PARP4: variants seen among roughly 807,000 people sequenced by gnomAD.
The protein encoded by PARP4 is protein mono-ADP-ribosyltransferase PARP4.
Under a neutral mutation model 187.7 loss-of-function variants are expected in PARP4, and 120 were observed. The ratio of observed to expected loss-of-function variants is 0.64; its 90% CI spans 0.55 to 0.74. PARP4 has a LOEUF of 0.74. PARP4 is among the 30% of genes least tolerant of loss of function. The pLI is 0.00. For missense variants in PARP4, 1,836 were observed against 2,070.5 expected, an observed-to-expected ratio of 0.89 and a Z score of 2.20; for synonymous variants, 654 against 740.9, an observed-to-expected ratio of 0.88 and a Z score of 1.90.
chr13:24,504,307 C>CTTTT lies in PARP4; in HGVS notation c.-1-534_-1-531dup, dbSNP rs11434017. Among the ~76,000 whole-genome samples, 321 of 87,310 alleles carry CTTTT rather than the reference C, an allele frequency of 3.7e-3. 10 individuals are homozygous for CTTTT. The highest frequency in any genetic ancestry group is 6.5e-3 in the African/African-American group (137 of 20,972). The allele number at this position is 87,310 out of a possible 152,430, so 57.3% of individuals were successfully genotyped here. ...CACATATATATTCTGCATTTAGGTTCTTTTTTTTTTTTTTTTTTTTTTTGG... is the reference window on the plus strand; with the variant it reads ...CACATATATATTCTGCATTTAGGTTCTTTTTTTTTTTTTTTTTTTTTTTTTTTGG... On this transcript the variant is annotated intron_variant, in intron 1 of 33. Coordinates refer to ENST00000381989, the MANE Select transcript of PARP4 (RefSeq NM_006437.4).
rs1434667851 is a variant in PARP4, at chr13:24,490,727, A to G, written c.1155T>C (p.Val385=). Residue 385 remains valine, a synonymous_variant, in exon 10 of 34, where the codon GTT becomes GTC. Coordinates refer to ENST00000381989, the MANE Select transcript of PARP4 (RefSeq NM_006437.4). ...TGAGAAATTCTTCAGTATTCTGTTC[A>G]ACATGCTCAATTTTGCACCTCAAAG... ...YRALRCKIEH[V]EQNTEEFLRV... is the part of the protein sequence containing the mutation. 9 of 1,614,086 alleles carry G rather than the reference A, an allele frequency of 5.6e-6. No homozygotes were observed. The highest frequency in any genetic ancestry group is 7.6e-6 in the Non-Finnish European group (9 of 1,179,944).
chr13:24,485,029 A>T (rs1312536216), intron 11 of PARP4, among the ~76,000 whole-genome samples: 2 of 152,248 alleles, frequency 1.3e-5, no homozygotes, highest in Non-Finnish European at 2.9e-5. Context: ...AGATTATTTT[A>T]AGAAGATTCT....
intron 1 of PARP4, among the ~76,000 whole-genome samples, chr13:24,504,947 G>T (rs1011844284): frequency 2.7e-5 from 4 of 150,256 alleles, no homozygotes; most frequent in African/African-American, 9.8e-5. Context: ...TGCCCACCTT[G>T]GCCTCCCAAA....
intron 33 of PARP4, among the ~76,000 whole-genome samples, chr13:24,423,118 C>T (rs1200685921): frequency 2.1e-4 from 32 of 152,164 alleles, no homozygotes; most frequent in Admixed American, 2.0e-3. Context: ...AGAATAAATG[C>T]GTCTTTGGAT....
intron 12 of PARP4, among the ~76,000 whole-genome samples, chr13:24,479,920 G>A (rs565462740): frequency 7.9e-5 from 12 of 152,170 alleles, no homozygotes; most frequent in South Asian, 6.2e-4. Flanking sequence ...CCTGAAGCCC[G>A]CGAGACCACG....
At chr13:24,451,850 T>A (rs1871535965) in intron 24 of PARP4, 2 of 152,730 alleles carry the variant, frequency 1.3e-5, no homozygotes, top group Non-Finnish European at 2.9e-5. Context: ...GTAGGGGTGT[T>A]AGCCTCTCAT....
Position 24,447,021 on chromosome 13 carries a change from T to C in PARP4, c.3280A>G (p.Thr1094Ala). 1.3e-6 allele frequency: 2 copies of C among 1,588,486 alleles called. No homozygotes were observed. The highest frequency in any genetic ancestry group is 1.7e-6 in the Non-Finnish European group (2 of 1,170,246). ...CAAACTCTGCGTCTTCTTACCTGTG[T>C]GCAGTGAGGAATGAATCCATAGACA... Reference protein sequence around the residue: ...LLVYGFIPHCTQATLCALIQE... With the variant: ...LLVYGFIPHCAQATLCALIQE... The change falls in exon 26 of 34, where the codon ACA becomes GCA. Residue 1094 changes from threonine (T) to alanine (A), a missense_variant. Physicochemically the swap from Thr to Ala is moderately conservative, Grantham distance 58. Around this residue, in one of 8 missense-constraint regions of PARP4, gnomAD observed 56 missense variants for 56.6 expected, o/e 0.99. Transcript: ENST00000381989.
At chr13:24,424,376 A>G (rs1869910039) in intron 33 of PARP4, among the ~76,000 whole-genome samples, 1 of 146,502 alleles carries the variant, frequency 6.8e-6, no homozygotes, top group Non-Finnish European at 1.6e-5. Flanking sequence ...TTCTATTGCC[A>G]TTTATTTTTC....
At chr13:24,451,323 A>G (rs1593605164) in intron 24 of PARP4, among the ~76,000 whole-genome samples, 1 of 152,224 alleles carries the variant, frequency 6.6e-6, no homozygotes, top group African/African-American at 2.4e-5. Context: ...CTCAGGCTGG[A>G]TATATTTCTT....
rs746906278 is a variant in PARP4, at chr13:24,486,214, A to G, written c.1306T>C (p.Leu436=). The G allele has an allele frequency of 3.7e-6, 6 of 1,613,818 alleles. No homozygotes were observed. The East Asian group carries it at 1.3e-4, about 36-fold the overall frequency. Residue 436 remains leucine, a synonymous_variant, in exon 11 of 34, where the codon TTG becomes CTG. Transcript: ENST00000381989. ...TTTTGTACAGGAGAACCATGCAACA[A>G]GGGCCTCACATTACCAAGTTTGCTC... ...FLSKLGNVRP[L]LHGSPVQNIV... is the part of the protein sequence containing the mutation.
At position 24,431,493 on chromosome 13, in the gene PARP4, A is replaced by T; in HGVS notation, c.4747-17T>A. The stretch of plus-strand genomic sequence containing the variant: ...GAAGCCATCCTACAAAATTAAGGAA[A>T]CAAAAATAAGTTATGTTATTCACAT... On this transcript the variant is annotated splice_polypyrimidine_tract_variant and intron_variant, in intron 31 of 33. Coordinates refer to ENST00000381989, the MANE Select transcript of PARP4 (RefSeq NM_006437.4). 6.8e-7 allele frequency: 1 copy of T among 1,478,398 alleles called. No individual in the cohort carries two copies. Among genetic ancestry groups the T allele is most frequent in the Non-Finnish European group, 9.4e-7 (1 of 1,067,130 alleles). 91.6% of individuals were successfully genotyped at this position (1,478,398 alleles called of 1,614,324 possible).
At chr13:24,426,444 A>G (rs2137430526) in intron 33 of PARP4, 22 bp downstream of exon 33, 14 of 1,565,940 alleles carry the variant, frequency 8.9e-6, no homozygotes, top group Middle Eastern at 2.3e-4. Flanking sequence ...AATAAGTTGC[A>G]TAATACTATA....
At chr13:24,449,859 A>G (rs1446240882) in intron 24 of PARP4, 42 bp from the exon 25 acceptor site, 1 of 1,248,612 alleles carries the variant, frequency 8.0e-7, no homozygotes, top group Admixed American at 1.8e-5. Flanking sequence ...GACATTAGAA[A>G]TATTTTTGAA....
chr13:24,455,279 A>T, intron 21 of PARP4, 67 bp from the exon 22 acceptor site: 1 of 1,161,686 alleles, frequency 8.6e-7, no homozygotes, highest in East Asian at 2.4e-5. Context: ...GTCTACTTAG[A>T]AAACTCCAAA....
intron 32 of PARP4, among the ~76,000 whole-genome samples, chr13:24,430,654 AAAAC>A (rs1402560751): frequency 4.6e-5 from 7 of 151,950 alleles, no homozygotes; most frequent in South Asian, 4.2e-4. Context: ...ATCTTGTCTC[AAAAC>A]AAACAAACAA....
In PARP4 at chr13:24,435,006, G is replaced by A; in HGVS notation, c.4135C>T (p.Gln1379Ter). 1.2e-6 allele frequency: 2 copies of A among 1,613,990 alleles called. No individual in the cohort carries two copies. The highest frequency in any genetic ancestry group is 1.7e-6 in the Non-Finnish European group (2 of 1,180,040). Reference protein sequence around the residue: ...VPGTCADWIPQSASCPTGPPQ... With the variant: ...VPGTCADWIP The stretch of plus-strand genomic sequence containing the variant: ...GGTCCTGTGGGACAAGACGCCGACT[G>A]TGGGATCCAGTCAGCACAAGTGCCA... Residue 1379 changes from glutamine (Q) to a stop codon, truncating the protein, a stop_gained, in exon 31 of 34, where the codon CAG becomes TAG. Transcript: ENST00000381989. LOFTEE classifies it high-confidence loss of function.
At chr13:24,461,735 CT>C (rs1434921927) in intron 17 of PARP4, among the ~76,000 whole-genome samples, 1 of 152,188 alleles carries the variant, frequency 6.6e-6, no homozygotes, top group East Asian at 1.9e-4. Context: ...TCCCTGGATC[CT>C]TTCCCCACAT....
At chr13:24,468,119 G>A (rs9634402) in intron 17 of PARP4, among the ~76,000 whole-genome samples, 77,361 of 151,966 alleles carry the variant, frequency 0.51, 20,015 homozygotes, top group South Asian at 0.65. Flanking sequence ...CCATCTGCAA[G>A]AATAACTAAA....
intron 5 of PARP4, among the ~76,000 whole-genome samples, chr13:24,498,603 T>C (rs61344717): frequency 0.013 from 2,008 of 152,254 alleles, 41 homozygotes; most frequent in African/African-American, 0.045. Flanking sequence ...TATCTATATA[T>C]ATATTTTAGA....
Sources: allele counts gnomAD v4.1 joint callset (sites outside exome capture counted in the v4.1 genomes callset), GRCh38; gene constraint gnomAD v4.1.1; regional missense constraint gnomAD v4.1.1; transcripts MANE v1.5; gene names NCBI Gene and HGNC (gene_info 2026-07-23, HGNC 2026-07-21).